The following RBFOX3 variants were observed in gnomAD, a reference collection of about 807,000 sequenced individuals.
RBFOX3 encodes the protein RNA binding fox-1 homolog 3.
In RBFOX3, 17 loss-of-function variants were observed where a neutral mutation model predicts 48.7. The observed-to-expected ratio is 0.35, with a 90% CI of 0.24 to 0.52. The LOEUF (loss-of-function observed/expected upper bound fraction) is 0.52, where lower values mean the gene tolerates loss of function less well. Ranked by LOEUF, RBFOX3 falls within the 20% of genes least tolerant of loss-of-function variation. The pLI is 0.94. For missense variants in RBFOX3, 382 were observed against 497.5 expected (o/e 0.77, Z 2.21); for synonymous variants, 212 against 209.5 (o/e 1.01, Z -0.10).
intron 3 of RBFOX3, among the ~76,000 whole-genome samples, chr17:79,270,435 C>T (rs2067459602): frequency 6.6e-6 from 1 of 152,214 alleles, no homozygotes; most frequent in South Asian, 2.1e-4. Flanking sequence ...CACCCCCTCC[C>T]CTGTGTTGCT....
chr17:79,436,848 C>T (rs1298876088), intron 2 of RBFOX3, among the ~76,000 whole-genome samples: 1 of 152,080 alleles, frequency 6.6e-6, no homozygotes, highest in Non-Finnish European at 1.5e-5. Flanking sequence ...CCAGGGAGCC[C>T]AGGGTTCATT....
chr17:79,628,799 A>C, the RBFOX3 span, among the ~76,000 whole-genome samples: 3 of 152,016 alleles, frequency 2.0e-5, no homozygotes, highest in Admixed American at 6.5e-5. Flanking sequence ...TTTGATGATA[A>C]ATAGACAAAA....
At chr17:79,238,057 C>A (rs2061849828) in intron 3 of RBFOX3, among the ~76,000 whole-genome samples, 1 of 152,234 alleles carries the variant, frequency 6.6e-6, no homozygotes, top group Non-Finnish European at 1.5e-5. Flanking sequence ...CTGCCTCAGC[C>A]TCCGAAGTAG....
At chr17:79,648,827 C>T in the RBFOX3 span, among the ~76,000 whole-genome samples, 18 of 152,118 alleles carry the variant, frequency 1.2e-4, no homozygotes, top group Non-Finnish European at 1.9e-4. Flanking sequence ...TGATACAAGC[C>T]GTTTCACACC....
chr17:79,348,454 C>G (rs2083276960), intron 2 of RBFOX3, among the ~76,000 whole-genome samples: 2 of 152,292 alleles, frequency 1.3e-5, no homozygotes, highest in Admixed American at 6.5e-5. Context: ...ACCCCTCACC[C>G]CCTCCATCTG....
chr17:79,552,564 G>A (rs2091254678), intron 1 of RBFOX3, among the ~76,000 whole-genome samples: 2 of 152,124 alleles, frequency 1.3e-5, no homozygotes, highest in Non-Finnish European at 2.9e-5. Flanking sequence ...TGTATCACCA[G>A]GGCCTGAACA....
At chr17:79,492,746 A>C (rs1228228739) in intron 1 of RBFOX3, among the ~76,000 whole-genome samples, 1 of 152,234 alleles carries the variant, frequency 6.6e-6, no homozygotes, top group African/African-American at 2.4e-5. Context: ...TAGGGATTAC[A>C]AAAAAATATG....
intron 4 of RBFOX3, among the ~76,000 whole-genome samples, chr17:79,124,876 C>T (rs73400195): frequency 0.05 from 7,576 of 150,892 alleles, 434 homozygotes; most frequent in African/African-American, 0.14. Flanking sequence ...GGGAGGCTGT[C>T]GTCGGCTGGC....
chr17:79,600,012 CAG>C (rs1260093389), intron 1 of RBFOX3: 3 of 152,208 alleles, frequency 2.0e-5, no homozygotes, highest in East Asian at 1.9e-4. Context: ...AGGAAATTGC[CAG>C]AGTCTTCAAG....
At chr17:79,452,157 G>A (rs1555742046) in intron 2 of RBFOX3, among the ~76,000 whole-genome samples, 1 of 152,222 alleles carries the variant, frequency 6.6e-6, no homozygotes, top group East Asian at 1.9e-4. Context: ...GGTGGGAACT[G>A]CTGAATGCTG....
In RBFOX3 at chr17:79,204,864, A is replaced by G. The variant is rs1189615056; in HGVS notation, c.-34+30902T>C. On this transcript the variant is annotated intron_variant, in intron 4 of 14. Transcript: ENST00000693108. The surrounding 1 kb of genome is among the most constrained non-coding windows in gnomAD (Gnocchi z 4.5). ...ACCACCGTGGTCAGCCAGGCTTTGG[A>G]GATGACCAGGGTGCTTTGAACTACA... Among the ~76,000 whole-genome samples, 2 of 152,152 alleles carry G rather than the reference A, an allele frequency of 1.3e-5. No individual in the cohort carries two copies. Among genetic ancestry groups the G allele is most frequent in the Non-Finnish European group, 1.5e-5 (1 of 68,026 alleles).
At chr17:79,293,548 G>A (rs569622772) in intron 3 of RBFOX3, among the ~76,000 whole-genome samples, 1 of 151,654 alleles carries the variant, frequency 6.6e-6, no homozygotes, top group Non-Finnish European at 1.5e-5. Context: ...CACCTTCTGG[G>A]TTCAAGTGAT....
Position 79,418,655 on chromosome 17 carries a change from A to G in RBFOX3, c.-175+63799T>C, listed in dbSNP as rs2065769716. 6.6e-6 allele frequency among the ~76,000 whole-genome samples: 1 copy of G among 152,186 alleles called. No individual in the cohort carries two copies. The highest frequency in any genetic ancestry group is 1.5e-5 in the Non-Finnish European group (1 of 68,034). On this transcript the variant is annotated intron_variant, in intron 2 of 14. Coordinates refer to ENST00000693108, the MANE Select transcript of RBFOX3 (RefSeq NM_001350451.2). The surrounding 1 kb of genome is among the most constrained non-coding windows in gnomAD (Gnocchi z 5.0). ...CAGGAAGTGGCAGACTAAGACCAAG[A>G]CAGAGAGGGATGGATGTGGCTGTGC...
At chr17:79,605,132 T>A (rs2093797411) in intron 1 of RBFOX3, among the ~76,000 whole-genome samples, 2 of 152,166 alleles carry the variant, frequency 1.3e-5, no homozygotes, top group Non-Finnish European at 2.9e-5. Flanking sequence ...CTGCCTCCAC[T>A]ACTGTATTGG....
chr17:79,395,689 C>T (rs986785702), intron 2 of RBFOX3, among the ~76,000 whole-genome samples: 12 of 152,204 alleles, frequency 7.9e-5, no homozygotes, highest in African/African-American at 2.9e-4. Flanking sequence ...GGTGGTCTTT[C>T]GCTTTGCAGA....
At chr17:79,147,142 G>A (rs543567070) in intron 4 of RBFOX3, among the ~76,000 whole-genome samples, 3 of 152,324 alleles carry the variant, frequency 2.0e-5, no homozygotes, top group East Asian at 3.9e-4. Context: ...CAATTCCAAG[G>A]CTGCTCCCTT....
At chr17:79,305,008 C>T (rs1164125284) in intron 3 of RBFOX3, among the ~76,000 whole-genome samples, 1 of 152,202 alleles carries the variant, frequency 6.6e-6, no homozygotes, top group Non-Finnish European at 1.5e-5. Context: ...ATCCTGAGCC[C>T]CGTGCTTAGA....
chr17:79,244,875 T>G (rs2062933805), intron 3 of RBFOX3, among the ~76,000 whole-genome samples: 1 of 148,090 alleles, frequency 6.8e-6, no homozygotes, highest in Admixed American at 6.7e-5. Flanking sequence ...TCCCTTCCCT[T>G]TCCTTCCCTC....
At chr17:79,118,312 G>T (rs750881668) in intron 4 of RBFOX3, among the ~76,000 whole-genome samples, 40 of 152,176 alleles carry the variant, frequency 2.6e-4, no homozygotes, top group Non-Finnish European at 5.3e-4. Context: ...AAGCACACAC[G>T]TGTGCATGCG....
Sources: allele counts gnomAD v4.1 joint callset (sites outside exome capture counted in the v4.1 genomes callset), GRCh38; gene constraint gnomAD v4.1.1; non-coding constraint Gnocchi (gnomAD v3.1); transcripts MANE v1.5; gene names NCBI Gene and HGNC (gene_info 2026-07-23, HGNC 2026-07-21).